IRGM: variants seen among roughly 807,000 people sequenced by gnomAD.
The protein encoded by IRGM is immunity-related GTPase family M protein.
For missense variants in IRGM, 288 were observed against 219.9 expected, an observed-to-expected ratio of 1.31 and a Z score of -1.96; for synonymous variants, 98 against 80.6, an observed-to-expected ratio of 1.22 and a Z score of -1.16.
rs1484363957 is a variant in IRGM, at chr5:150,846,551, T to C, written c.-1085T>C. 1 of 152,068 alleles carries C rather than the reference T, an allele frequency of 6.6e-6. No individual in the cohort carries two copies. Among genetic ancestry groups the C allele is most frequent in the African/African-American group, 2.4e-5 (1 of 41,372 alleles). The allele number at this position is 152,068 out of a possible 1,614,324, so 9.4% of individuals were successfully genotyped here. ...CCTGCTCAGGTCCCCTTCCATGCTG[T>C]GGAAGCTTTGTTTTTTTGCACTTTG... is the stretch of plus-strand genomic sequence containing the variant. On this transcript the variant is annotated 5_prime_UTR_variant, in exon 1 of 2. Transcript: ENST00000522154.
chr5:150,855,056 T>G (rs759406213), intron 1 of IRGM, among the ~76,000 whole-genome samples: 1 of 152,184 alleles, frequency 6.6e-6, no homozygotes, highest in African/African-American at 2.4e-5. Flanking sequence ...TTTCTATGAA[T>G]GAACAAAGGT....
rs759880876 is a variant in IRGM at position 150,848,052 on chromosome 5, C to T, written c.-72C>T. 406 of 1,223,602 alleles carry T rather than the reference C, an allele frequency of 3.3e-4. No homozygotes were observed. The highest frequency in any genetic ancestry group is 1.3e-3 in the African/African-American group (87 of 65,650). 75.8% of individuals were successfully genotyped at this position (1,223,602 alleles called of 1,614,324 possible). A position where few individuals can be genotyped will look rare whatever the true frequency, so the allele number is the denominator to read the frequency against. On this transcript the variant is annotated 5_prime_UTR_variant, in exon 2 of 2. Coordinates refer to ENST00000522154, the MANE Select transcript of IRGM (RefSeq NM_001145805.2). The stretch of plus-strand genomic sequence containing the variant: ...TCCTGACCTCGTGATCTGCTCGCCT[C>T]GGCCTTCCAAAGTGCTGGGATTACA...
chr5:150,893,738 C>T (rs1754657679), intron 3 of IRGM, among the ~76,000 whole-genome samples: 1 of 152,118 alleles, frequency 6.6e-6, no homozygotes, highest in Non-Finnish European at 1.5e-5. Flanking sequence ...ACAACTGTAG[C>T]TTCAGTTCCA....
intron 1 of IRGM, among the ~76,000 whole-genome samples, chr5:150,856,164 G>A (rs542857792): frequency 1.4e-4 from 21 of 152,216 alleles, no homozygotes; most frequent in South Asian, 1.2e-3. Context: ...TGGGGGTGGC[G>A]GCTCATACCT....
intron 3 of IRGM, chr5:150,895,422 CATT>C (rs773260618): frequency 1.1e-5 from 17 of 1,584,148 alleles, no homozygotes; most frequent in Non-Finnish European, 1.5e-5. Context: ...GTGGCCAGTT[CATT>C]ATGATTTTAC....
chr5:150,895,677 T>C, intron 3 of IRGM: 2 of 1,613,500 alleles, frequency 1.2e-6, no homozygotes, highest in Non-Finnish European at 1.7e-6. Flanking sequence ...AGTACATATA[T>C]AAGGTTTTTC....
At chr5:150,857,331 T>C (rs1350140893) in intron 1 of IRGM, among the ~76,000 whole-genome samples, 1 of 152,160 alleles carries the variant, frequency 6.6e-6, no homozygotes, top group Non-Finnish European at 1.5e-5. Context: ...CAGTCTATCA[T>C]TGTTGGACAT....
chr5:150,854,750 C>T (rs1027705000), intron 1 of IRGM, among the ~76,000 whole-genome samples: 1 of 152,050 alleles, frequency 6.6e-6, no homozygotes, highest in Admixed American at 6.5e-5. Flanking sequence ...TTCTATTAGT[C>T]TTTTAACAGT....
chr5:150,898,685 G>T, intron 3 of IRGM: 1 of 1,021,548 alleles, frequency 9.8e-7, no homozygotes, highest in Non-Finnish European at 1.4e-6. Flanking sequence ...CCTGTTTTTA[G>T]CAAGCAGAGC....
rs144814754 is a variant in IRGM at position 150,887,029 on chromosome 5, A to T, written c.*140+7383A>T. ...AATTTGAGATCTTTCTAATGTTTTG[A>T]TGTGGGCATTTAGTGCTATGAATTC... On this transcript the variant is annotated intron_variant and NMD_transcript_variant, in intron 3 of 3. Transcript: ENST00000520549. Among the ~76,000 whole-genome samples, 559 of 151,948 alleles carry T rather than the reference A, an allele frequency of 3.7e-3. 10 individuals are homozygous for T. The East Asian group carries it at 0.046, about 13-fold the overall frequency.
intron 1 of IRGM, among the ~76,000 whole-genome samples, chr5:150,870,509 CTTT>C (rs60200385): frequency 1.3e-3 from 171 of 135,612 alleles, no homozygotes; most frequent in African/African-American, 3.8e-3. Context: ...TATACAACTC[CTTT>C]TTTTTTTTTT....
chr5:150,854,799 A>T (rs1301651543), intron 1 of IRGM, among the ~76,000 whole-genome samples: 1 of 152,042 alleles, frequency 6.6e-6, no homozygotes, highest in Non-Finnish European at 1.5e-5. Flanking sequence ...TTTTGGCTTT[A>T]TCTTGTGGTT....
At chr5:150,892,810 G>C (rs1425418688) in intron 3 of IRGM, among the ~76,000 whole-genome samples, 1 of 152,012 alleles carries the variant, frequency 6.6e-6, no homozygotes, top group Non-Finnish European at 1.5e-5. Flanking sequence ...GGAGTGCAGT[G>C]GTGCAATCAC....
rs192697292 is a variant in IRGM, at chr5:150,874,913, C to T, written c.159-3067C>T. Among the ~76,000 whole-genome samples, 307 of 152,304 alleles carry T rather than the reference C, an allele frequency of 2.0e-3. 4 individuals carry two copies. Among genetic ancestry groups the T allele is most frequent in the East Asian group, 3.3e-3 (17 of 5,184 alleles). On this transcript the variant is annotated intron_variant and NMD_transcript_variant, in intron 1 of 3. Coordinates refer to the IRGM transcript ENST00000520549. Reference sequence around the variant, plus strand: ...AACTGAACATTTGACTATGGGTCATCAAGTTACCATGCAACCTGAACTGTC... The same window carrying T: ...AACTGAACATTTGACTATGGGTCATTAAGTTACCATGCAACCTGAACTGTC...
At chr5:150,853,597 T>C (rs1025683328), downstream of IRGM, among the ~76,000 whole-genome samples, 4 of 152,138 alleles carry the variant, frequency 2.6e-5, no homozygotes, top group African/African-American at 9.6e-5. Flanking sequence ...TTGGTACATA[T>C]GTTTATAATT....
At chr5:150,894,259 T>C (rs1754672097) in intron 3 of IRGM, 1 of 151,534 alleles carries the variant, frequency 6.6e-6, no homozygotes, top group Non-Finnish European at 1.5e-5. Flanking sequence ...TAGTAGGTGT[T>C]ATCTTAGAGG....
At chr5:150,874,336 G>T (rs746680465) in intron 1 of IRGM, among the ~76,000 whole-genome samples, 4 of 152,166 alleles carry the variant, frequency 2.6e-5, no homozygotes, top group African/African-American at 7.2e-5. Context: ...TAGCAAACAC[G>T]CTGGATTTGT....
intron 3 of IRGM, among the ~76,000 whole-genome samples, chr5:150,890,252 A>G (rs1272432720): frequency 6.6e-6 from 1 of 151,982 alleles, no homozygotes. Flanking sequence ...GGTAGTTTGT[A>G]TCTTTCAAAG....
chr5:150,897,772 T>G, intron 3 of IRGM: 1 of 383,876 alleles, frequency 2.6e-6, no homozygotes, highest in Non-Finnish European at 4.6e-6. Flanking sequence ...ATACAGTCAT[T>G]TATCTGGGAA....
Sources: allele counts gnomAD v4.1 joint callset (sites outside exome capture counted in the v4.1 genomes callset), GRCh38; gene constraint gnomAD v4.1.1; transcripts MANE v1.5; gene names NCBI Gene and HGNC (gene_info 2026-07-23, HGNC 2026-07-21).